SLC44A1: variants seen among roughly 807,000 people sequenced by gnomAD.
The protein encoded by SLC44A1 is choline transporter-like protein 1.
In SLC44A1, 26 loss-of-function variants were observed where a neutral mutation model predicts 79.3. The observed-to-expected ratio is 0.33, with a 90% CI of 0.24 to 0.46. The LOEUF is 0.46. SLC44A1 is among the 20% of genes least tolerant of loss of function. The probability of loss-of-function intolerance (pLI) is 1.00; values close to 1 mark genes in which losing one functional copy is unlikely to be tolerated. For missense variants in SLC44A1, 688 were observed against 798.1 expected (o/e 0.86, Z 1.66); for synonymous variants, 263 against 286.2 (o/e 0.92, Z 0.82).
Position 105,396,729 on chromosome 9 carries a change from T to G in SLC44A1, c.*7673T>G, listed in dbSNP as rs1042766274. 11 of 985,388 alleles carry G rather than the reference T, an allele frequency of 1.1e-5. No individual in the cohort carries two copies. The highest frequency in any genetic ancestry group is 1.2e-4 in the Admixed American group (2 of 16,282). 61.0% of individuals were successfully genotyped at this position (985,388 alleles called of 1,614,324 possible). A position where few individuals can be genotyped will look rare whatever the true frequency, so the allele number is the denominator to read the frequency against. ...ATCTGATGCCTTTTTGTCTTTTTTT[T>G]TTTTTGCCATTTGCATCCTATTTCA... is the stretch of plus-strand genomic sequence containing the variant. On this transcript the variant is annotated 3_prime_UTR_variant, in exon 16 of 16. Coordinates refer to ENST00000374720, the MANE Select transcript of SLC44A1 (RefSeq NM_080546.5).
chr9:105,416,788 T>C (rs570120950), intron 15 of SLC44A1, among the ~76,000 whole-genome samples: 1 of 152,172 alleles, frequency 6.6e-6, no homozygotes, highest in Non-Finnish European at 1.5e-5. Flanking sequence ...AACCACAGAA[T>C]AGTTTAAATT....
intron 6 of SLC44A1, 56 bp downstream of exon 6, chr9:105,356,437 T>C (rs1413757902): frequency 6.3e-6 from 8 of 1,268,446 alleles, no homozygotes; most frequent in Non-Finnish European, 8.8e-6. Flanking sequence ...AAGACTGTTT[T>C]GTCTTTTAGC....
rs190167793 is a variant in SLC44A1, at chr9:105,326,467, C to T, written c.270-9096C>T. 2.6e-5 allele frequency among the ~76,000 whole-genome samples: 4 copies of T among 152,298 alleles called. No homozygotes were observed. In the East Asian group the frequency reaches 7.7e-4, roughly 29 times the overall value. ...TTGCCATTCTGACAATTATGTCTCC[C>T]TCCATGGTACATGGATAAGCAGGAG... On this transcript the variant is annotated intron_variant, in intron 3 of 15. Coordinates refer to ENST00000374720, the MANE Select transcript of SLC44A1 (RefSeq NM_080546.5).
At chr9:105,383,415 T>C (rs1828537888) in intron 14 of SLC44A1, 56 bp downstream of exon 14, 2 of 998,992 alleles carry the variant, frequency 2.0e-6, no homozygotes, top group African/African-American at 1.6e-5. Flanking sequence ...AATAAAAATA[T>C]TTTGTAAAAC....
intron 3 of SLC44A1, among the ~76,000 whole-genome samples, chr9:105,322,195 T>C (rs1359888310): frequency 6.6e-6 from 1 of 152,204 alleles, no homozygotes; most frequent in Admixed American, 6.6e-5. Flanking sequence ...CTGTGAACTT[T>C]CTGGTTTTGA....
chr9:105,300,062 T>C (rs887785089), intron 2 of SLC44A1: 5 of 361,294 alleles, frequency 1.4e-5, no homozygotes, highest in African/African-American at 1.1e-4. Flanking sequence ...AAAACTGCTA[T>C]TTTTAAAGCG....
chr9:105,391,664 C>T lies in SLC44A1; in HGVS notation c.*2608C>T, dbSNP rs1828764587. The T allele has an allele frequency of 1.0e-6, 1 of 985,256 alleles. No homozygotes were observed. The highest frequency in any genetic ancestry group is 1.2e-6 in the Non-Finnish European group (1 of 829,890). The allele number at this position is 985,256 out of a possible 1,614,324, so 61.0% of individuals were successfully genotyped here. A position where few individuals can be genotyped will look rare whatever the true frequency, so the allele number is the denominator to read the frequency against. ...GGTTATGTTTGGATATTCCTGCTGC[C>T]TCTTTTCATTCATTTCAAGTCATTC... On this transcript the variant is annotated 3_prime_UTR_variant, in exon 16 of 16. Coordinates refer to ENST00000374720, the MANE Select transcript of SLC44A1 (RefSeq NM_080546.5).
downstream of SLC44A1, among the ~76,000 whole-genome samples, chr9:105,398,525 G>T (rs1828916025): frequency 6.6e-6 from 1 of 152,154 alleles, no homozygotes; most frequent in African/African-American, 2.4e-5. Context: ...CCTGTGAAAA[G>T]CCTCACATCT....
intron 1 of SLC44A1, among the ~76,000 whole-genome samples, chr9:105,293,185 A>T (rs1830643513): frequency 6.6e-6 from 1 of 152,206 alleles, no homozygotes; most frequent in African/African-American, 2.4e-5. Context: ...CTGAAAATCA[A>T]GCAGCTTCAT....
chr9:105,343,124 CAT>C (rs1223237155), intron 4 of SLC44A1, among the ~76,000 whole-genome samples: 1 of 151,868 alleles, frequency 6.6e-6, no homozygotes, highest in East Asian at 1.9e-4. Flanking sequence ...TTTTATAATA[CAT>C]GTTTTATCTT....
intron 1 of SLC44A1, among the ~76,000 whole-genome samples, chr9:105,245,131 G>C (rs1829401520): frequency 6.6e-6 from 1 of 151,906 alleles, no homozygotes; most frequent in Admixed American, 6.6e-5. Context: ...CGCCTAGTGC[G>C]CCCTCAGCTC....
In SLC44A1 at chr9:105,356,356, A is replaced by G. The variant is rs751892475; in HGVS notation, c.645A>G (p.Ile215Met). Reference sequence around the variant, plus strand: ...GAGTAATGACCAGCAAAGAAATTATATTGGGACTTTGCTTGTTATCACTAG... The same window carrying G: ...GAGTAATGACCAGCAAAGAAATTATGTTGGGACTTTGCTTGTTATCACTAG... The part of the protein sequence containing the change: ...ISGVMTSKEI[I>M]LGLCLLSLVL... The change falls in exon 6 of 16, where the codon ATA (isoleucine) becomes ATG (methionine). Residue 215 changes from isoleucine (I) to methionine (M), a missense_variant. By Grantham distance (10) the Ile-to-Met change is conservative (BLOSUM62 1). Transcript: ENST00000374720. The G allele has an allele frequency of 1.9e-6, 3 of 1,602,846 alleles. No homozygotes were observed. Among genetic ancestry groups the G allele is most frequent in the African/African-American group, 2.7e-5 (2 of 74,312 alleles).
chr9:105,386,281 C>A (rs985016372), intron 15 of SLC44A1: 1 of 960,114 alleles, frequency 1.0e-6, no homozygotes, highest in Non-Finnish European at 1.2e-6. Flanking sequence ...ACAGATGCCT[C>A]TATCATATAT....
intron 1 of SLC44A1, among the ~76,000 whole-genome samples, chr9:105,246,998 C>G (rs1184532604): frequency 2.0e-5 from 3 of 152,156 alleles, no homozygotes; most frequent in South Asian, 4.1e-4. Context: ...TATAACCAAT[C>G]AACAGCTGTC....
intron 3 of SLC44A1, among the ~76,000 whole-genome samples, chr9:105,330,065 C>T (rs1037302714): frequency 4.6e-5 from 7 of 152,148 alleles, no homozygotes; most frequent in African/African-American, 1.7e-4. Context: ...AAGGGTCTGG[C>T]CCAGGAGTAT....
At chr9:105,293,244 C>G (rs1830644959) in intron 1 of SLC44A1, among the ~76,000 whole-genome samples, 1 of 152,132 alleles carries the variant, frequency 6.6e-6, no homozygotes, top group African/African-American at 2.4e-5. Context: ...ATTTTAAAAC[C>G]TGGTGTATGA....
intron 1 of SLC44A1, among the ~76,000 whole-genome samples, chr9:105,263,501 A>G (rs1214754136): frequency 4.7e-5 from 7 of 149,898 alleles, no homozygotes; most frequent in Non-Finnish European, 8.9e-5. Flanking sequence ...GATTAAATCT[A>G]TGTAATTTTT....
rs374860806 is a variant in SLC44A1, at chr9:105,392,529, T to C, written c.*3473T>C. 11 of 984,440 alleles carry C rather than the reference T, an allele frequency of 1.1e-5. No individual in the cohort carries two copies. The African/African-American group carries it at 1.8e-4, about 16-fold the overall frequency. The allele number at this position is 984,440 out of a possible 1,614,324, so 61.0% of individuals were successfully genotyped here. On this transcript the variant is annotated 3_prime_UTR_variant, in exon 16 of 16. Coordinates refer to ENST00000374720, the MANE Select transcript of SLC44A1 (RefSeq NM_080546.5). ...TTGCCTTCCCTGGGCAGTTTTAGGA[T>C]TTCACCCTAGTAGGGGGTATGAGGC...
At chr9:105,339,510 C>T (rs1035115343) in intron 4 of SLC44A1, among the ~76,000 whole-genome samples, 1 of 152,110 alleles carries the variant, frequency 6.6e-6, no homozygotes, top group Non-Finnish European at 1.5e-5. Context: ...AACCTAATGT[C>T]GGTAGACCAA....
Sources: allele counts gnomAD v4.1 joint callset (sites outside exome capture counted in the v4.1 genomes callset), GRCh38; gene constraint gnomAD v4.1.1; transcripts MANE v1.5; gene names NCBI Gene and HGNC (gene_info 2026-07-23, HGNC 2026-07-21).